The following TAFA1 variants were observed in gnomAD, a reference collection of about 807,000 sequenced individuals.
The protein encoded by TAFA1 is chemokine-like protein TAFA-1.
TAFA1 carries 4 observed loss-of-function variants against 18.5 expected under a neutral mutation model. That is an observed-to-expected ratio of 0.22 (90% confidence interval 0.11 to 0.49). The LOEUF (loss-of-function observed/expected upper bound fraction) is 0.49, where lower values mean the gene tolerates loss of function less well. TAFA1 is among the 20% of genes least tolerant of loss of function. The pLI, the probability that TAFA1 is intolerant of heterozygous loss-of-function variation, is 0.98. For missense variants in TAFA1, 147 were observed against 169.0 expected (o/e 0.87, Z 0.72); for synonymous variants, 56 against 55.2 (o/e 1.01, Z -0.06).
chr3:68,145,436 G>A, intron 2 of TAFA1: 1 of 858,498 alleles, frequency 1.2e-6, no homozygotes, highest in Non-Finnish European at 2.0e-6. Flanking sequence ...AGAAGAGGCT[G>A]TGAAAGGCTT....
At chr3:68,019,820 C>G (rs73837232) in intron 2 of TAFA1, among the ~76,000 whole-genome samples, 135,645 of 152,176 alleles carry the variant, frequency 0.89, 60,943 homozygotes, top group South Asian at 0.96. Context: ...AAGATAGCCC[C>G]CCGGCCAGTG....
At chr3:68,237,377 G>A (rs2066940724) in intron 2 of TAFA1, among the ~76,000 whole-genome samples, 2 of 152,192 alleles carry the variant, frequency 1.3e-5, no homozygotes, top group Admixed American at 1.3e-4. Context: ...TGGAAGTTAG[G>A]ATTTCAACAT....
chr3:68,117,157 C>T (rs2065334161), intron 2 of TAFA1, among the ~76,000 whole-genome samples: 2 of 152,156 alleles, frequency 1.3e-5, no homozygotes, highest in Admixed American at 1.3e-4. Flanking sequence ...ACACTGTGGT[C>T]TCTTCTTGGA....
intron 2 of TAFA1, among the ~76,000 whole-genome samples, chr3:68,066,253 T>C (rs949133261): frequency 2.8e-4 from 43 of 152,314 alleles, no homozygotes; most frequent in African/African-American, 9.9e-4. Flanking sequence ...TTGGTGAGTG[T>C]ATTGTTTGTT....
intron 2 of TAFA1, among the ~76,000 whole-genome samples, chr3:68,276,484 G>C (rs534492667): frequency 5.3e-5 from 8 of 152,184 alleles, no homozygotes; most frequent in African/African-American, 1.9e-4. Flanking sequence ...AAGTTGTTGT[G>C]CCACCCAGTG....
At chr3:68,234,544 C>G (rs1559569365) in intron 2 of TAFA1, among the ~76,000 whole-genome samples, 1 of 152,154 alleles carries the variant, frequency 6.6e-6, no homozygotes, top group Non-Finnish European at 1.5e-5. Flanking sequence ...ATCCAACATG[C>G]TGTGCACCCA....
intron 2 of TAFA1, among the ~76,000 whole-genome samples, chr3:68,137,114 C>A (rs2065616937): frequency 6.6e-6 from 1 of 152,100 alleles, no homozygotes; most frequent in South Asian, 2.1e-4. Flanking sequence ...AATAGGAGTA[C>A]TTTATGGGAA....
chr3:68,116,221 C>T (rs373902349), intron 2 of TAFA1, among the ~76,000 whole-genome samples: 2 of 152,038 alleles, frequency 1.3e-5, no homozygotes, highest in African/African-American at 4.8e-5. Flanking sequence ...CGCCACTGCT[C>T]TCCAGCCTGG....
chr3:68,298,645 A>G (rs2068253403), intron 2 of TAFA1, among the ~76,000 whole-genome samples: 1 of 152,184 alleles, frequency 6.6e-6, no homozygotes, highest in African/African-American at 2.4e-5. Context: ...TCTTCTTGTG[A>G]TAGTGAGTTC....
At chr3:68,326,863 A>T (rs1011981093) in intron 2 of TAFA1, among the ~76,000 whole-genome samples, 5 of 152,220 alleles carry the variant, frequency 3.3e-5, no homozygotes, top group African/African-American at 1.2e-4. Context: ...ACCACAAAAC[A>T]GAGTTTGGAC....
intron 3 of TAFA1, among the ~76,000 whole-genome samples, chr3:68,500,446 G>C (rs1348555332): frequency 1.3e-4 from 20 of 152,050 alleles, no homozygotes. Flanking sequence ...CTTAATGTCT[G>C]TACTTGTTAC....
chr3:68,304,246 G>T (rs528036340), intron 2 of TAFA1, among the ~76,000 whole-genome samples: 26 of 152,154 alleles, frequency 1.7e-4, no homozygotes, highest in Non-Finnish European at 3.7e-4. Context: ...GCATACAGAA[G>T]AAATCATCCA....
chr3:68,440,681 C>A (rs923800282), intron 3 of TAFA1, among the ~76,000 whole-genome samples: 2 of 152,238 alleles, frequency 1.3e-5, no homozygotes, highest in South Asian at 4.1e-4. Flanking sequence ...CATTTGTAGT[C>A]CTGCCTGGAT....
intron 2 of TAFA1, among the ~76,000 whole-genome samples, chr3:68,198,473 T>C (rs887638522): frequency 9.9e-5 from 15 of 151,804 alleles, no homozygotes; most frequent in Admixed American, 3.3e-4. Flanking sequence ...GTCTGTAATA[T>C]TTTGCATTCC....
intron 2 of TAFA1, among the ~76,000 whole-genome samples, chr3:68,217,356 T>C (rs1041990206): frequency 6.6e-6 from 1 of 151,974 alleles, no homozygotes; most frequent in African/African-American, 2.4e-5. Flanking sequence ...TAAATATAAA[T>C]TGAGCAATGT....
intron 3 of TAFA1, among the ~76,000 whole-genome samples, chr3:68,474,026 G>A (rs2072046673): frequency 6.9e-6 from 1 of 144,892 alleles, no homozygotes; most frequent in African/African-American, 2.6e-5. Flanking sequence ...AGTATTAAGT[G>A]TGTATCTGCA....
chr3:68,360,447 G>A (rs1275127999), intron 2 of TAFA1, among the ~76,000 whole-genome samples: 1 of 151,906 alleles, frequency 6.6e-6, no homozygotes, highest in Non-Finnish European at 1.5e-5. Context: ...AGAGCAAGAT[G>A]CCAAATTCAC....
chr3:68,070,807 G>A (rs910660354), intron 2 of TAFA1, among the ~76,000 whole-genome samples: 4 of 152,218 alleles, frequency 2.6e-5, no homozygotes, highest in African/African-American at 9.6e-5. Flanking sequence ...TGGGCAAAAT[G>A]CCACCAGTCT....
chr3:68,514,087 G>A (rs1377731947), intron 3 of TAFA1, among the ~76,000 whole-genome samples: 1 of 152,046 alleles, frequency 6.6e-6, no homozygotes, highest in Non-Finnish European at 1.5e-5. Context: ...ATCTCTCTGG[G>A]CTCTCTTTTA....
Sources: allele counts gnomAD v4.1 joint callset (sites outside exome capture counted in the v4.1 genomes callset), GRCh38; gene constraint gnomAD v4.1.1; transcripts MANE v1.5; gene names NCBI Gene and HGNC (gene_info 2026-07-23, HGNC 2026-07-21).